KIF14: variants seen among roughly 807,000 people sequenced by gnomAD.
The protein encoded by KIF14 is kinesin family member 14.
In KIF14, 98 loss-of-function variants were observed where a neutral mutation model predicts 176.2. That is an observed-to-expected ratio of 0.56 (90% CI 0.47 to 0.66). The LOEUF is 0.66. Ranked by LOEUF, KIF14 falls within the 30% of genes least tolerant of loss-of-function variation. The pLI is 0.00. For missense variants in KIF14, 1,751 were observed against 1,920.4 expected, an observed-to-expected ratio of 0.91 and a Z score of 1.65; for synonymous variants, 566 against 632.2, an observed-to-expected ratio of 0.90 and a Z score of 1.57.
At chr1:200,596,173 G>A (rs1452758049) in intron 14 of KIF14, among the ~76,000 whole-genome samples, 9 of 151,836 alleles carry the variant, frequency 5.9e-5, no homozygotes, top group African/African-American at 1.7e-4. Context: ...AGAATTGCTC[G>A]ACTCCAGGAG....
rs771574207 is a variant in KIF14 at position 200,590,114 on chromosome 1, C to G, written c.2961+11G>C. On this transcript the variant is annotated intron_variant, in intron 17 of 29. Transcript: ENST00000367350. ...TCGGAAAAAAAAAATAAAACTAATT[C>G]TGCCTTTTACCAGTTCTGCTTCCAG... 1.7e-5 allele frequency: 27 copies of G among 1,589,976 alleles called. No individual in the cohort carries two copies. The highest frequency in any genetic ancestry group is 2.1e-5 in the Non-Finnish European group (25 of 1,173,794).
chr1:200,611,812 A>G (rs1230330819), intron 4 of KIF14, among the ~76,000 whole-genome samples: 1 of 152,166 alleles, frequency 6.6e-6, no homozygotes, highest in Non-Finnish European at 1.5e-5. Flanking sequence ...GCACTCTTCA[A>G]AACCTTTTGT....
chr1:200,553,781 A>G lies in KIF14; in HGVS notation c.4568-14T>C. On this transcript the variant is annotated splice_polypyrimidine_tract_variant and intron_variant, in intron 29 of 29. Coordinates refer to ENST00000367350, the MANE Select transcript of KIF14 (RefSeq NM_014875.3). ...CACTATGGCATCCTATATGCAAGAG[A>G]GGAGGGAAAAGTTAATTAGCCTTTT... The G allele has an allele frequency of 6.4e-7, 1 of 1,561,846 alleles. No individual in the cohort carries two copies. The highest frequency in any genetic ancestry group is 8.7e-7 in the Non-Finnish European group (1 of 1,154,168).
chr1:200,603,379 C>A, intron 9 of KIF14, 38 bp from the exon 10 acceptor site: 5 of 921,942 alleles, frequency 5.4e-6, no homozygotes, highest in Non-Finnish European at 7.0e-6. Context: ...ACTTAAAATA[C>A]TTCTCAGCAA....
chr1:200,600,716 T>C (rs924873792), intron 11 of KIF14, among the ~76,000 whole-genome samples: 3 of 152,270 alleles, frequency 2.0e-5, no homozygotes, highest in African/African-American at 7.2e-5. Context: ...TAATGAACTT[T>C]CCCTGTTCAT....
chr1:200,575,157 C>A (rs1485743288), intron 22 of KIF14, among the ~76,000 whole-genome samples: 2 of 151,810 alleles, frequency 1.3e-5, no homozygotes, highest in Non-Finnish European at 2.9e-5. Flanking sequence ...GGGGTTTCAC[C>A]GTGTTAGCCA....
At chr1:200,558,506 C>T (rs78390928) in intron 27 of KIF14, among the ~76,000 whole-genome samples, 2,956 of 152,072 alleles carry the variant, frequency 0.019, 48 homozygotes, top group Non-Finnish European at 0.031. Context: ...TACTCTAATT[C>T]AATGAAATGA....
intron 18 of KIF14, among the ~76,000 whole-genome samples, chr1:200,588,600 C>T (rs1658883237): frequency 6.6e-6 from 1 of 152,136 alleles, no homozygotes; most frequent in Non-Finnish European, 1.5e-5. Flanking sequence ...CTAGGGACCA[C>T]CCTTCAAGAA....
At chr1:200,595,776 G>A (rs1040903855) in intron 14 of KIF14, among the ~76,000 whole-genome samples, 26 of 149,588 alleles carry the variant, frequency 1.7e-4, no homozygotes, top group African/African-American at 5.7e-4. Context: ...TGATGAAATC[G>A]TCTCTACTAA....
Position 200,565,452 on chromosome 1 carries a change from T to G in KIF14, c.3879A>C (p.Gln1293His). 1 of 1,587,992 alleles carries G rather than the reference T, an allele frequency of 6.3e-7. No homozygotes were observed. The highest frequency in any genetic ancestry group is 8.5e-7 in the Non-Finnish European group (1 of 1,171,002). ...AGCAGTGAGATTGCTTACAGTTATC[T>G]TGACTTTCTTCATCTTGTTCTTCAT... ...KAHEEQDEES[Q>H]DNLFSSDRAI... The change falls in exon 24 of 30, where the codon CAA (glutamine) becomes CAC (histidine). Residue 1293 changes from glutamine to histidine, a missense_variant. By Grantham distance (24) the Gln-to-His change is conservative (BLOSUM62 0). Transcript: ENST00000367350.
At chr1:200,565,011 A>G (rs550706063) in intron 25 of KIF14, 58 bp downstream of exon 25, 1 of 1,361,548 alleles carries the variant, frequency 7.3e-7, no homozygotes, top group East Asian at 2.3e-5. Flanking sequence ...AGACAGTAGA[A>G]AGCCAATAAA....
chr1:200,620,364 T>G (rs1225250087), intron 1 of KIF14, 47 bp downstream of exon 1: 2 of 152,258 alleles, frequency 1.3e-5, no homozygotes, highest in African/African-American at 4.8e-5. Context: ...CCGGTGATTC[T>G]GTTCTTTCTC....
At chr1:200,570,700 A>C (rs1352285407) in intron 22 of KIF14, among the ~76,000 whole-genome samples, 1 of 152,096 alleles carries the variant, frequency 6.6e-6, no homozygotes. Context: ...TTATCCAGGG[A>C]AGGATTTTAT....
At chr1:200,566,486 G>A (rs1448920125) in intron 23 of KIF14, among the ~76,000 whole-genome samples, 10 of 151,768 alleles carry the variant, frequency 6.6e-5, no homozygotes, top group African/African-American at 1.7e-4. Context: ...CCAGCTACCC[G>A]GGAGGCTGAG....
intron 1 of KIF14, 55 bp downstream of exon 1, chr1:200,620,356 G>A (rs1027249687): frequency 2.0e-5 from 3 of 152,212 alleles, no homozygotes; most frequent in African/African-American, 7.2e-5. Flanking sequence ...CAAAACATCC[G>A]GTGATTCTGT....
chr1:200,552,650 C>T lies in KIF14; in HGVS notation c.*738G>A, dbSNP rs1656594659. The T allele has an allele frequency of 6.6e-6, 1 of 151,946 alleles. No homozygotes were observed. Among genetic ancestry groups the T allele is most frequent in the South Asian group, 2.1e-4 (1 of 4,820 alleles). The allele number at this position is 151,946 out of a possible 1,614,324, so 9.4% of individuals were successfully genotyped here. A position where few individuals can be genotyped will look rare whatever the true frequency, so the allele number is the denominator to read the frequency against. Reference sequence around the variant, plus strand: ...TTGGAAAGAAACAGGAAGCTACACCCTTGAACATACTATTCAAAATGGCAA... The same window carrying T: ...TTGGAAAGAAACAGGAAGCTACACCTTTGAACATACTATTCAAAATGGCAA... On this transcript the variant is annotated 3_prime_UTR_variant, in exon 30 of 30. Coordinates refer to ENST00000367350, the MANE Select transcript of KIF14 (RefSeq NM_014875.3).
chr1:200,601,790 T>C (rs1659638869), intron 11 of KIF14, 106 bp downstream of exon 11: 1 of 821,066 alleles, frequency 1.2e-6, no homozygotes, highest in East Asian at 2.6e-5. Flanking sequence ...AAAATAGGTA[T>C]AGAAAAACAC....
rs113181527 is a variant in KIF14, at chr1:200,590,277, A to G, written c.2814-5T>C. 9 of 1,610,402 alleles carry G rather than the reference A, an allele frequency of 5.6e-6. No homozygotes were observed. The highest frequency in any genetic ancestry group is 7.6e-6 in the Non-Finnish European group (9 of 1,178,730). On this transcript the variant is annotated splice_region_variant and splice_polypyrimidine_tract_variant and intron_variant, in intron 16 of 29. Transcript: ENST00000367350. ...TCTTTTATTTCTGCTTCAAGTCTACAATGTAGCAAGATGTTTATAGGGTAC... is the reference window on the plus strand; with the variant it reads ...TCTTTTATTTCTGCTTCAAGTCTACGATGTAGCAAGATGTTTATAGGGTAC...
intron 4 of KIF14, 137 bp downstream of exon 4, chr1:200,614,181 A>C: frequency 1.9e-6 from 1 of 538,016 alleles, no homozygotes; most frequent in Admixed American, 3.5e-5. Context: ...TCTCCATACC[A>C]CTGTTCCAAA....
Sources: gnomAD v4.1 joint callset for allele counts (sites outside exome capture counted in the v4.1 genomes callset) on GRCh38, gnomAD v4.1.1 for gene constraint, MANE v1.5 for transcripts, NCBI Gene and HGNC (gene_info 2026-07-23, HGNC 2026-07-21) for gene names.